Variants in NELL1 observed in about 807,000 individuals in gnomAD.
NELL1 encodes neural EGFL like 1, also known as protein kinase C-binding protein NELL1.
Under a neutral mutation model 107.4 loss-of-function variants are expected in NELL1, and 76 were observed. The ratio of observed to expected loss-of-function variants is 0.71; its 90% CI spans 0.59 to 0.86. The LOEUF (loss-of-function observed/expected upper bound fraction) is 0.86. Ranked by LOEUF, NELL1 falls within the 40% of genes least tolerant of loss-of-function variation. The pLI is 0.00. For missense variants in NELL1, 1,024 were observed against 1,005.5 expected (o/e 1.02, Z -0.25); for synonymous variants, 353 against 341.2 (o/e 1.03, Z -0.38).
intron 3 of NELL1, among the ~76,000 whole-genome samples, 195 bp downstream of exon 3, chr11:20,784,025 G>A (rs1856904745): frequency 6.6e-6 from 1 of 152,168 alleles, no homozygotes. Flanking sequence ...TGCTCTCCAA[G>A]GACCAATCAT....
intron 16 of NELL1, among the ~76,000 whole-genome samples, chr11:21,544,660 T>C (rs191488390): frequency 3.8e-3 from 577 of 152,098 alleles, no homozygotes; most frequent in Non-Finnish European, 6.6e-3. Flanking sequence ...GAAATATTTA[T>C]GATCTCTATT....
intron 13 of NELL1, among the ~76,000 whole-genome samples, chr11:21,159,767 G>A (rs141223986): frequency 1.5e-3 from 221 of 152,322 alleles, no homozygotes; most frequent in African/African-American, 5.0e-3. Context: ...GTGAGAATGT[G>A]TAGTGGCTGA....
chr11:20,754,404 C>T (rs578100963), intron 2 of NELL1, among the ~76,000 whole-genome samples: 9 of 152,248 alleles, frequency 5.9e-5, no homozygotes, highest in African/African-American at 1.9e-4. Context: ...AACCCTAGGG[C>T]CATGCTATGT....
intron 15 of NELL1, among the ~76,000 whole-genome samples, chr11:21,446,594 T>C (rs1373976886): frequency 1.3e-5 from 2 of 152,232 alleles, no homozygotes; most frequent in African/African-American, 4.8e-5. Flanking sequence ...GCTGTAGTTC[T>C]TGTAGACTCA....
At chr11:20,900,667 G>C (rs1170627780) in intron 5 of NELL1, among the ~76,000 whole-genome samples, 1 of 152,122 alleles carries the variant, frequency 6.6e-6, no homozygotes, top group African/African-American at 2.4e-5. Flanking sequence ...TATGAGAAGG[G>C]AATTGCTTAA....
intron 4 of NELL1, among the ~76,000 whole-genome samples, chr11:20,873,151 GC>G (rs1237447504): frequency 2.0e-5 from 3 of 152,136 alleles, no homozygotes; most frequent in Admixed American, 1.3e-4. Flanking sequence ...TGTTTTGGAG[GC>G]AGCCAGCCTG....
At position 20,669,842 on chromosome 11, in the gene NELL1, G is replaced by A. The variant is rs992748287; in HGVS notation, c.55+64G>A. 1.4e-6 allele frequency: 2 copies of A among 1,406,804 alleles called. No homozygotes were observed. Among genetic ancestry groups the A allele is most frequent in the African/African-American group, 1.4e-5 (1 of 70,694 alleles). The allele number at this position is 1,406,804 out of a possible 1,614,324, so 87.1% of individuals were successfully genotyped here. ...GGGGGTGCCCACAGACCACGGCGGC[G>A]TGGGGAGACCTGGAGCCGAGCTTTG... is the stretch of plus-strand genomic sequence containing the variant. On this transcript the variant is annotated intron_variant, in intron 1 of 19. Coordinates refer to ENST00000357134, the MANE Select transcript of NELL1 (RefSeq NM_006157.5). This position sits in a 1 kb window ranked among gnomAD's most constrained non-coding sequence, Gnocchi z 4.4.
In NELL1 at chr11:21,113,534, C is replaced by G. The variant is rs112598952; in HGVS notation, c.1301-55C>G. 1,243 of 1,521,418 alleles carry G rather than the reference C, an allele frequency of 8.2e-4. 13 individuals are homozygous for G. In the African/African-American group the frequency reaches 0.016, roughly 19 times the overall value. 94.2% of individuals were successfully genotyped at this position (1,521,418 alleles called of 1,614,324 possible). A position where few individuals can be genotyped will look rare whatever the true frequency, so the allele number is the denominator to read the frequency against. ...TTTTAATTTATCTGCAAAATGATTA[C>G]ACTGTTGTTCCATTATTTTGCTAAC... is the stretch of plus-strand genomic sequence containing the variant. On this transcript the variant is annotated intron_variant, in intron 12 of 19. Coordinates refer to ENST00000357134, the MANE Select transcript of NELL1 (RefSeq NM_006157.5).
At chr11:21,277,064 A>C (rs1250160557) in intron 14 of NELL1, among the ~76,000 whole-genome samples, 29 of 151,192 alleles carry the variant, frequency 1.9e-4, no homozygotes, top group African/African-American at 6.5e-4. Context: ...TAATTAAACT[A>C]AAGAGCTTCT....
chr11:20,895,518 T>TTTG (rs1382422108), intron 5 of NELL1, among the ~76,000 whole-genome samples: 1 of 141,534 alleles, frequency 7.1e-6, no homozygotes, highest in Non-Finnish European at 1.6e-5. Flanking sequence ...TTTTTTTTTT[T>TTTG]TTTTTGAGAC....
chr11:21,127,649 A>T (rs1208873056), intron 13 of NELL1, among the ~76,000 whole-genome samples: 2 of 152,160 alleles, frequency 1.3e-5, no homozygotes, highest in East Asian at 1.9e-4. Flanking sequence ...GAGGGGGAGG[A>T]CAGGGAGGAG....
At chr11:21,051,468 A>G (rs1184868779) in intron 12 of NELL1, among the ~76,000 whole-genome samples, 1 of 152,138 alleles carries the variant, frequency 6.6e-6, no homozygotes, top group Non-Finnish European at 1.5e-5. Context: ...CCAAAATCTC[A>G]GAAGCTACCA....
intron 13 of NELL1, among the ~76,000 whole-genome samples, chr11:21,143,558 G>A (rs1056826596): frequency 1.3e-5 from 2 of 152,178 alleles, no homozygotes; most frequent in Admixed American, 6.5e-5. Context: ...AGTTGGCATA[G>A]TGGGGCTGTA....
intron 13 of NELL1, among the ~76,000 whole-genome samples, chr11:21,121,206 A>C (rs150748868): frequency 8.5e-5 from 13 of 152,276 alleles, no homozygotes; most frequent in East Asian, 7.7e-4. Flanking sequence ...TATCAGAGGG[A>C]AATGGGAAGG....
chr11:21,230,076 A>T (rs999539676), intron 14 of NELL1, among the ~76,000 whole-genome samples: 1 of 152,154 alleles, frequency 6.6e-6, no homozygotes, highest in African/African-American at 2.4e-5. Flanking sequence ...CCTCAGCCAC[A>T]ATGCTCATTT....
At chr11:21,572,188 C>A (rs1857113911) in intron 18 of NELL1, among the ~76,000 whole-genome samples, 1 of 151,788 alleles carries the variant, frequency 6.6e-6, no homozygotes. Context: ...AATCATCAGG[C>A]ATCCAGAAGA....
intron 2 of NELL1, among the ~76,000 whole-genome samples, chr11:20,779,591 C>A (rs1337868172): frequency 6.6e-6 from 1 of 152,144 alleles, no homozygotes; most frequent in African/African-American, 2.4e-5. Flanking sequence ...GCTCTTTTAA[C>A]TCCAGGAAAA....
chr11:21,455,987 C>A (rs34587165), intron 15 of NELL1, among the ~76,000 whole-genome samples: 135,225 of 151,494 alleles, frequency 0.89, 60,430 homozygotes, highest in East Asian at 0.98. Context: ...CTCCCAGGTC[C>A]AGCATTTCTC....
chr11:21,100,123 T>G (rs1161253702), intron 12 of NELL1, among the ~76,000 whole-genome samples: 3 of 152,076 alleles, frequency 2.0e-5, no homozygotes, highest in Non-Finnish European at 4.4e-5. Context: ...TTCAACTGAT[T>G]CTCATGCCTC....
Sources: allele counts gnomAD v4.1 joint callset (sites outside exome capture counted in the v4.1 genomes callset), GRCh38; gene constraint gnomAD v4.1.1; non-coding constraint Gnocchi (gnomAD v3.1); transcripts MANE v1.5; gene names NCBI Gene and HGNC (gene_info 2026-07-23, HGNC 2026-07-21).